Variants in TG observed in about 807,000 individuals in gnomAD.
TG encodes thyroid hormones.
Under a neutral mutation model 324.7 loss-of-function variants are expected in TG, and 270 were observed. That is an observed-to-expected ratio of 0.83 (90% confidence interval 0.75 to 0.92). TG has a LOEUF of 0.92. Ranked by LOEUF, TG falls within the 40% of genes least tolerant of loss-of-function variation. The pLI is 0.00. For synonymous variants in TG, 1,401 were observed against 1,327.0 expected (o/e 1.06, Z -1.21); for missense variants, 3,591 against 3,456.4 (o/e 1.04, Z -0.98).
intron 43 of TG, among the ~76,000 whole-genome samples, chr8:133,101,324 G>A (rs889308782): frequency 1.3e-5 from 2 of 152,158 alleles, no homozygotes; most frequent in Non-Finnish European, 2.9e-5. Context: ...AACCCAATGT[G>A]CCCTTGTATT....
At chr8:132,891,982 C>T (rs853311) in intron 10 of TG, among the ~76,000 whole-genome samples, 64,969 of 151,984 alleles carry the variant, frequency 0.43, 14,042 homozygotes, top group South Asian at 0.51. Flanking sequence ...CCAAGCACTT[C>T]AACTGCAACA....
At chr8:132,971,381 T>C (rs568076210) in intron 32 of TG, among the ~76,000 whole-genome samples, 5 of 152,312 alleles carry the variant, frequency 3.3e-5, no homozygotes, top group Non-Finnish European at 7.3e-5. Flanking sequence ...TGTAAGCCTA[T>C]GGACTCTCCT....
intron 43 of TG, among the ~76,000 whole-genome samples, chr8:133,106,187 G>A (rs1444939736): frequency 6.6e-6 from 1 of 152,168 alleles, no homozygotes. Context: ...CTGAGCCTCA[G>A]AGAGATGGAG....
chr8:132,970,743 G>C (rs1200660649), intron 32 of TG, among the ~76,000 whole-genome samples: 1 of 152,198 alleles, frequency 6.6e-6, no homozygotes, highest in Non-Finnish European at 1.5e-5. Context: ...TAGGGGAGTA[G>C]ATTGTGCGTC....
Position 132,886,601 on chromosome 8 carries a change from C to T in TG, c.1229C>T (p.Pro410Leu), listed in dbSNP as rs1232597692. Residue 410 changes from proline to leucine, a missense_variant, in exon 9 of 48, where the codon CCC (proline) becomes CTC (leucine). Pro to Leu is a moderately conservative substitution (Grantham distance 98, BLOSUM62 -3). Transcript: ENST00000220616. ...RVARFATSCPPTIKELFVDSG... is the reference protein window; with the variant it reads ...RVARFATSCPLTIKELFVDSG... ...GCCAGATTTGCCACATCCTGCCCAC[C>T]CACGATCAAGGAGCTCTTTGTGGAC... 3 of 1,614,188 alleles carry T rather than the reference C, an allele frequency of 1.9e-6. No homozygotes were observed. The highest frequency in any genetic ancestry group is 2.2e-5 in the East Asian group (1 of 44,870).
chr8:132,929,381 T>G lies in TG; in HGVS notation c.4816+189T>G, dbSNP rs853296. Among the ~76,000 whole-genome samples, 61,701 of 152,134 alleles carry G rather than the reference T, an allele frequency of 0.41. 15,183 individuals are homozygous for G. Among genetic ancestry groups the G allele is most frequent in the Admixed American group, 0.53 (8,103 of 15,272 alleles). ...ATAACTTAATTGCAGAGTTGACAGT[T>G]TATCTACTGTATGCTATCCACATGG... On this transcript the variant is annotated intron_variant, in intron 23 of 47. Transcript: ENST00000220616.
chr8:133,039,893 G>A, intron 41 of TG: 1 of 1,480,368 alleles, frequency 6.8e-7, no homozygotes, highest in Non-Finnish European at 9.0e-7. Context: ...TCTGGCCATG[G>A]TTTTCATGTG....
intron 30 of TG, 99 bp downstream of exon 30, chr8:132,966,796 TTG>T: frequency 6.9e-7 from 1 of 1,459,798 alleles, no homozygotes; most frequent in Middle Eastern, 1.8e-4. Context: ...AGGCCAAATT[TTG>T]TGTCATAACT....
At position 132,962,982 on chromosome 8, in the gene TG, T is replaced by G; in HGVS notation, c.5468-12T>G. ...TCCCCAACATTGCAACAACTCTTTTTTTTCCTCCTAGATTCTGACATGGGG... is the reference window on the plus strand; with the variant it reads ...TCCCCAACATTGCAACAACTCTTTTGTTTCCTCCTAGATTCTGACATGGGG... On this transcript the variant is annotated splice_polypyrimidine_tract_variant and intron_variant, in intron 28 of 47. Coordinates refer to ENST00000220616, the MANE Select transcript of TG (RefSeq NM_003235.5). The G allele has an allele frequency of 6.2e-7, 1 of 1,613,684 alleles. No individual in the cohort carries two copies. Among genetic ancestry groups the G allele is most frequent in the African/African-American group, 1.3e-5 (1 of 75,012 alleles).
chr8:132,948,641 T>G (rs963551722), intron 26 of TG, 135 bp from the exon 27 acceptor site: 2 of 999,332 alleles, frequency 2.0e-6, no homozygotes, highest in African/African-American at 1.6e-5. Flanking sequence ...ACCAGGCTCT[T>G]GAATTCTAGT....
At position 132,908,322 on chromosome 8, in the gene TG, C is replaced by T. The variant is rs755830065; in HGVS notation, c.3984C>T (p.Arg1328=). 43 of 1,570,240 alleles carry T rather than the reference C, an allele frequency of 2.7e-5. No individual in the cohort carries two copies. The highest frequency in any genetic ancestry group is 3.7e-5 in the Admixed American group (2 of 54,074). The part of the protein sequence containing the change: ...QVFILDELTA[R]GFCQIQVKTF... ...TCATATTGGATGAGCTGACAGCCCG[C>T]GGCTTCTGCCAGATCCAGGTACATG... The change falls in exon 18 of 48, where the codon CGC becomes CGT. Residue 1328 remains arginine (R), a synonymous_variant. Transcript: ENST00000220616.
At position 132,893,553 on chromosome 8, in the gene TG, G is replaced by T. The variant is rs1816649997; in HGVS notation, c.2762-137G>T. The T allele has an allele frequency of 4.3e-6, 5 of 1,176,468 alleles. No homozygotes were observed. The South Asian group carries it at 6.3e-5, about 15-fold the overall frequency. 72.9% of individuals were successfully genotyped at this position (1,176,468 alleles called of 1,614,324 possible). A position where few individuals can be genotyped will look rare whatever the true frequency, so the allele number is the denominator to read the frequency against. ...TGTATGTGTGTGGTGTAGGGGGGTG[G>T]TGTGTATGTGTGTGGTGTGTGTGTG... On this transcript the variant is annotated intron_variant, in intron 10 of 47. Transcript: ENST00000220616.
intron 41 of TG, among the ~76,000 whole-genome samples, chr8:133,065,621 A>G (rs1204705215): frequency 6.6e-6 from 1 of 151,974 alleles, no homozygotes; most frequent in East Asian, 1.9e-4. Context: ...AATTAGCCGG[A>G]CATGTTGGCA....
At chr8:133,024,371 T>C (rs1234052049) in intron 40 of TG, among the ~76,000 whole-genome samples, 1 of 126,358 alleles carries the variant, frequency 7.9e-6, no homozygotes, top group African/African-American at 3.4e-5. Context: ...TCTTTCTTTC[T>C]TTCTTTCTTT....
rs1220646153 is a variant in TG at position 132,906,677 on chromosome 8, C to T, written c.3635-11C>T. 6.2e-7 allele frequency: 1 copy of T among 1,613,718 alleles called. No individual in the cohort carries two copies. Among genetic ancestry groups the T allele is most frequent in the Non-Finnish European group, 8.5e-7 (1 of 1,179,994 alleles). On this transcript the variant is annotated splice_polypyrimidine_tract_variant and intron_variant, in intron 16 of 47. Coordinates refer to ENST00000220616, the MANE Select transcript of TG (RefSeq NM_003235.5). ...CAGGTGCCCACCACGGCTCCACTTT[C>T]CTTCTCCCAGGCCCGCGGTGTCCGC...
rs577505867 is a variant in TG, at chr8:132,923,899, T to A, written c.4699+391T>A. Among the ~76,000 whole-genome samples, 4 of 152,228 alleles carry A rather than the reference T, an allele frequency of 2.6e-5. No homozygotes were observed. In the South Asian group the frequency reaches 8.3e-4, roughly 32 times the overall value. On this transcript the variant is annotated intron_variant, in intron 22 of 47. Coordinates refer to ENST00000220616, the MANE Select transcript of TG (RefSeq NM_003235.5). Reference sequence around the variant, plus strand: ...TCAGTAGGACGTTGTAGAGCAGCAGTCCCCAACCTTTTTGGCATCAAGGAT... The same window carrying A: ...TCAGTAGGACGTTGTAGAGCAGCAGACCCCAACCTTTTTGGCATCAAGGAT...
chr8:132,948,912 A>G lies in TG; in HGVS notation c.5370A>G (p.Ile1790Met), dbSNP rs73710715. 4,010 of 1,613,946 alleles carry G rather than the reference A, an allele frequency of 2.5e-3. 92 individuals are homozygous for G. In the African/African-American group the frequency reaches 0.048, roughly 19 times the overall value. ...ATGACCAGGAGAGCCACCAGGTGAT[A>G]TTGCGTCTTGGAGACCAGGAGTTCA... Reference protein sequence around the residue: ...VTYDQESHQVILRLGDQEFIK... With the variant: ...VTYDQESHQVMLRLGDQEFIK... The change falls in exon 27 of 48, where the codon ATA becomes ATG. Residue 1790 changes from isoleucine to methionine, a missense_variant. Coordinates refer to ENST00000220616, the MANE Select transcript of TG (RefSeq NM_003235.5).
intron 11 of TG, among the ~76,000 whole-genome samples, chr8:132,895,532 C>T (rs1277162462): frequency 1.3e-5 from 2 of 152,260 alleles, no homozygotes; most frequent in African/African-American, 4.8e-5. Context: ...TGGTGCGTGG[C>T]ACAGTGCCTG....
intron 41 of TG, chr8:133,050,056 G>C (rs1840115133): frequency 9.9e-7 from 1 of 1,009,130 alleles, no homozygotes; most frequent in Middle Eastern, 2.0e-4. Context: ...TGAATGAACA[G>C]AGTAATCAGA....
Sources: allele counts gnomAD v4.1 joint callset (sites outside exome capture counted in the v4.1 genomes callset), GRCh38; gene constraint gnomAD v4.1.1; transcripts MANE v1.5; gene names NCBI Gene and HGNC (gene_info 2026-07-23, HGNC 2026-07-21).